Variants in SLC2A14 observed in about 807,000 individuals in gnomAD.
SLC2A14 encodes solute carrier family 2 member 14, also known as solute carrier family 2, facilitated glucose transporter member 14.
Under a neutral mutation model 43.0 loss-of-function variants are expected in SLC2A14, and 13 were observed. The ratio of observed to expected loss-of-function variants is 0.30; its 90% CI spans 0.20 to 0.48. The LOEUF (loss-of-function observed/expected upper bound fraction) is 0.48, where lower values mean the gene tolerates loss of function less well. Ranked by LOEUF, SLC2A14 falls within the 20% of genes least tolerant of loss-of-function variation. The pLI is 0.99. For missense variants in SLC2A14, 428 were observed against 620.4 expected (o/e 0.69, Z 3.29); for synonymous variants, 190 against 233.8 (o/e 0.81, Z 1.71).
At chr12:7,840,939 A>G (rs1218055058) in intron 2 of SLC2A14, among the ~76,000 whole-genome samples, 1 of 152,056 alleles carries the variant, frequency 6.6e-6, no homozygotes, top group African/African-American at 2.4e-5. Context: ...CAAGACTTTT[A>G]TTTTAGATGC....
chr12:7,845,551 G>A (rs990416984), intron 2 of SLC2A14, among the ~76,000 whole-genome samples: 3 of 151,230 alleles, frequency 2.0e-5, no homozygotes, highest in Non-Finnish European at 4.4e-5. Flanking sequence ...AGGCCGAGGC[G>A]GGTGGATCAT....
chr12:7,871,824 A>G (rs1384997929), intron 1 of SLC2A14: 1 of 803,868 alleles, frequency 1.2e-6, no homozygotes, highest in Non-Finnish European at 1.5e-6. Context: ...AGAGGACAGG[A>G]CACTAGACTC....
intron 2 of SLC2A14, among the ~76,000 whole-genome samples, chr12:7,867,300 A>C (rs1944976232): frequency 3.7e-5 from 1 of 26,794 alleles, no homozygotes; most frequent in Admixed American, 3.4e-4. Context: ...AAAAAAAAAA[A>C]CAAAAAAAAC....
At chr12:7,833,895 TG>T (rs1395764109) in intron 2 of SLC2A14, among the ~76,000 whole-genome samples, 1 of 152,148 alleles carries the variant, frequency 6.6e-6, no homozygotes, top group East Asian at 1.9e-4. Context: ...ATTTCCACCT[TG>T]GGGCAGCTCA....
intron 9 of SLC2A14, 75 bp downstream of exon 9, chr12:7,819,407 C>A: frequency 6.5e-7 from 1 of 1,544,580 alleles, no homozygotes; most frequent in South Asian, 1.2e-5. Flanking sequence ...TAACAACCCA[C>A]CCCTTGTGTC....
chr12:7,830,498 T>G lies in SLC2A14; in HGVS notation c.273-492A>C, dbSNP rs147987031. Among the ~76,000 whole-genome samples the G allele has an allele frequency of 6.7e-3, 1,021 of 152,130 alleles. 12 individuals are homozygous for G. The highest frequency in any genetic ancestry group is 0.034 in the Middle Eastern group (10 of 294). On this transcript the variant is annotated intron_variant, in intron 4 of 10. Transcript: ENST00000431042. Reference sequence around the variant, plus strand: ...AACGTTTCTAGTTGGGAGCCAGGCATGATGGTGCCCACTGGTAGTCCCAGC... The same window carrying G: ...AACGTTTCTAGTTGGGAGCCAGGCAGGATGGTGCCCACTGGTAGTCCCAGC...
At chr12:7,890,941 TC>T (rs1293381392) in intron 1 of SLC2A14, 2 of 1,493,744 alleles carry the variant, frequency 1.3e-6, no homozygotes, top group East Asian at 5.0e-5. Flanking sequence ...TTTAAAGAAA[TC>T]ATCCTCGACA....
intron 2 of SLC2A14, among the ~76,000 whole-genome samples, chr12:7,837,657 G>T (rs866493583): frequency 1.7e-4 from 6 of 35,410 alleles, no homozygotes; most frequent in African/African-American, 3.0e-4. Flanking sequence ...AAAAAAAAAA[G>T]ATGGTTCACA....
At chr12:7,849,332 A>C (rs1366171062) in intron 2 of SLC2A14, among the ~76,000 whole-genome samples, 1 of 151,944 alleles carries the variant, frequency 6.6e-6, no homozygotes, top group African/African-American at 2.4e-5. Flanking sequence ...GCAAAACTTC[A>C]TCTCTACAAA....
intron 6 of SLC2A14, 45 bp downstream of exon 6, chr12:7,828,659 A>G (rs1433672969): frequency 4.4e-6 from 7 of 1,603,628 alleles, no homozygotes; most frequent in Non-Finnish European, 6.0e-6. Context: ...CTTAAAACAA[A>G]CCACAACCAT....
chr12:7,872,979 G>C (rs1945323734), upstream of SLC2A14: 1 of 985,356 alleles, frequency 1.0e-6, no homozygotes, highest in Non-Finnish European at 1.2e-6. Flanking sequence ...AACGTGACTC[G>C]GTTCATCGGG....
intron 2 of SLC2A14, among the ~76,000 whole-genome samples, chr12:7,853,531 C>G (rs916144272): frequency 6.6e-6 from 1 of 151,582 alleles, no homozygotes; most frequent in African/African-American, 2.4e-5. Context: ...ACCCAGGAGA[C>G]AGAGGTTGCA....
At position 7,812,667 on chromosome 12, in the gene SLC2A14, G is replaced by A. The variant is rs753247539; in HGVS notation, c.*1649C>T. ...CTGAGGAGCCAGAAGTTGACGTGAA[G>A]TTGGAAGGCCACCTTTCCAGCTAAA... On this transcript the variant is annotated 3_prime_UTR_variant, in exon 11 of 11. Transcript: ENST00000431042. 6.6e-6 allele frequency: 1 copy of A among 152,276 alleles called. No individual in the cohort carries two copies. 9.4% of individuals were successfully genotyped at this position (152,276 alleles called of 1,614,324 possible).
At chr12:7,824,935 T>A (rs754549183) in intron 7 of SLC2A14, among the ~76,000 whole-genome samples, 13 of 151,030 alleles carry the variant, frequency 8.6e-5, no homozygotes, top group African/African-American at 3.2e-4. Context: ...TCTCAGGTGA[T>A]CTGCCAGCCT....
At chr12:7,881,230 G>A (rs768148544) in intron 1 of SLC2A14, among the ~76,000 whole-genome samples, 1 of 152,248 alleles carries the variant, frequency 6.6e-6, no homozygotes, top group East Asian at 1.9e-4. Flanking sequence ...CCCCTTCCTG[G>A]GCTGGCCTAG....
intron 1 of SLC2A14, among the ~76,000 whole-genome samples, chr12:7,889,393 G>A (rs1592339946): frequency 2.0e-5 from 3 of 151,292 alleles, no homozygotes; most frequent in South Asian, 4.2e-4. Context: ...GCACCATCAC[G>A]CCCGGCTAAT....
chr12:7,847,130 T>C (rs1866537682), intron 2 of SLC2A14, among the ~76,000 whole-genome samples: 1 of 151,782 alleles, frequency 6.6e-6, no homozygotes, highest in African/African-American at 2.4e-5. Context: ...TGCATGCCTG[T>C]AATCCCAGCT....
rs115965870 is a variant in SLC2A14 at position 7,823,078 on chromosome 12, C to A, written c.865-1753G>T. 8.3e-3 allele frequency among the ~76,000 whole-genome samples: 1,267 copies of A among 152,188 alleles called. 26 individuals are homozygous for A. The highest frequency in any genetic ancestry group is 0.029 in the African/African-American group (1,211 of 41,528). ...TACTATGTTTGTTATTTACTAGGCACTGCGCTAAAATGTAAGGTTGCTGGC... is the reference window on the plus strand; with the variant it reads ...TACTATGTTTGTTATTTACTAGGCAATGCGCTAAAATGTAAGGTTGCTGGC... On this transcript the variant is annotated intron_variant, in intron 7 of 10. Coordinates refer to ENST00000431042, the MANE Select transcript of SLC2A14 (RefSeq NM_001286234.2).
intron 1 of SLC2A14, among the ~76,000 whole-genome samples, chr12:7,882,052 G>C (rs1260807479): frequency 6.6e-6 from 1 of 152,098 alleles, no homozygotes; most frequent in African/African-American, 2.4e-5. Context: ...GCCCGGGCCA[G>C]CAGTGGTAAC....
Sources: allele counts gnomAD v4.1 joint callset (sites outside exome capture counted in the v4.1 genomes callset), GRCh38; gene constraint gnomAD v4.1.1; transcripts MANE v1.5; gene names NCBI Gene and HGNC (gene_info 2026-07-23, HGNC 2026-07-21).